Variants in TIMP2 observed in about 807,000 individuals in gnomAD.
TIMP2 encodes the protein TIMP metallopeptidase inhibitor 2.
In TIMP2, 5 loss-of-function variants were observed where a neutral mutation model predicts 24.3. The observed-to-expected ratio is 0.21, with a 90% CI of 0.11 to 0.43. The LOEUF (loss-of-function observed/expected upper bound fraction) is 0.43, where lower values mean the gene tolerates loss of function less well. TIMP2 is among the 20% of genes least tolerant of loss of function. The pLI, the probability that TIMP2 is intolerant of heterozygous loss-of-function variation, is 1.00. For synonymous variants in TIMP2, 130 were observed against 123.2 expected (o/e 1.06, Z -0.37); for missense variants, 221 against 297.5 (o/e 0.74, Z 1.89).
chr17:78,924,921 TG>T lies in TIMP2; in HGVS notation c.130+37del. 9.2e-7 allele frequency: 1 copy of T among 1,089,486 alleles called. No homozygotes were observed. Among genetic ancestry groups the T allele is most frequent in the Non-Finnish European group, 1.1e-6 (1 of 895,084 alleles). The allele number at this position is 1,089,486 out of a possible 1,614,324, so 67.5% of individuals were successfully genotyped here. Reference sequence around the variant, plus strand: ...CGAACCCTCGGGGTCGCGGGGGAGGTGGGGCCCCGCGCGGGGGCTGGGGTCG... The same window carrying T: ...CGAACCCTCGGGGTCGCGGGGGAGGTGGGCCCCGCGCGGGGGCTGGGGTCG... On this transcript the variant is annotated intron_variant, in intron 1 of 4. Coordinates refer to ENST00000262768, the MANE Select transcript of TIMP2 (RefSeq NM_003255.5). This position sits in a 1 kb window ranked among gnomAD's most constrained non-coding sequence, Gnocchi z 5.3.
intron 1 of TIMP2, chr17:78,892,497 G>A (rs776803281): frequency 2.6e-5 from 39 of 1,511,046 alleles, no homozygotes; most frequent in Middle Eastern, 2.2e-4. Flanking sequence ...TTTCCAGATC[G>A]CTCCCAGGAG....
rs147599519 is a variant in TIMP2, at chr17:78,919,889, G to A, written c.130+5070C>T. 3.0e-3 allele frequency among the ~76,000 whole-genome samples: 464 copies of A among 152,186 alleles called. 2 individuals are homozygous for A. Among genetic ancestry groups the A allele is most frequent in the African/African-American group, 0.01 (433 of 41,536 alleles). ...CTAGCCATGCAGCCACTTGCCCTCC[G>A]TCCCTGGTTTGTGAGCCTGTGCGTG... On this transcript the variant is annotated intron_variant, in intron 1 of 4. Coordinates refer to ENST00000262768, the MANE Select transcript of TIMP2 (RefSeq NM_003255.5).
At chr17:78,879,762 G>A (rs556927743) in intron 1 of TIMP2, among the ~76,000 whole-genome samples, 70 of 152,252 alleles carry the variant, frequency 4.6e-4, no homozygotes, top group African/African-American at 1.4e-3. Context: ...TGAATTCACC[G>A]CCAGATGCCG....
chr17:78,881,367 G>A (rs779110660), intron 1 of TIMP2, among the ~76,000 whole-genome samples: 6 of 152,244 alleles, frequency 3.9e-5, no homozygotes, highest in Non-Finnish European at 7.3e-5. Context: ...TGGGAGTCGG[G>A]TGGGGGCTTC....
chr17:78,857,350 T>C (rs2069531874), intron 4 of TIMP2, 172 bp downstream of exon 4: 2 of 863,946 alleles, frequency 2.3e-6, no homozygotes, highest in South Asian at 1.7e-5. Context: ...TCAAAGGCTC[T>C]GTCCCCAGCC....
chr17:78,860,417 G>A (rs1177890212), intron 3 of TIMP2, among the ~76,000 whole-genome samples: 1 of 152,174 alleles, frequency 6.6e-6, no homozygotes, highest in African/African-American at 2.4e-5. Context: ...TCCACTAATA[G>A]AAACACAGCC....
chr17:78,867,860 A>G (rs1294218692), intron 3 of TIMP2, among the ~76,000 whole-genome samples: 1 of 151,868 alleles, frequency 6.6e-6, no homozygotes. Flanking sequence ...CGGCCTCCCA[A>G]AGTGCTAGGA....
intron 1 of TIMP2, among the ~76,000 whole-genome samples, chr17:78,901,503 C>G (rs2145784724): frequency 6.6e-6 from 1 of 152,158 alleles, no homozygotes; most frequent in African/African-American, 2.4e-5. Context: ...GGAGAATGAA[C>G]TCCTTTGGTC....
rs772713002 is a variant in TIMP2, at chr17:78,857,426, TTA to T, written c.465+94_465+95del. 4 of 1,537,980 alleles carry T rather than the reference TTA, an allele frequency of 2.6e-6. No homozygotes were observed. The East Asian group carries it at 9.0e-5, about 35-fold the overall frequency. On this transcript the variant is annotated intron_variant, in intron 4 of 4. Coordinates refer to ENST00000262768, the MANE Select transcript of TIMP2 (RefSeq NM_003255.5). ...CTGGTCTTAGATCAGGAGCCGGGGATTAACGGGTCCTGGAAAGCCAGGGATCA... is the reference window on the plus strand; with the variant it reads ...CTGGTCTTAGATCAGGAGCCGGGGATACGGGTCCTGGAAAGCCAGGGATCA...
At chr17:78,913,899 A>G (rs896751865) in intron 1 of TIMP2, among the ~76,000 whole-genome samples, 24 of 151,050 alleles carry the variant, frequency 1.6e-4, no homozygotes, top group African/African-American at 5.1e-4. Flanking sequence ...CTCGGGGAAA[A>G]AAAAAAAAAA....
At chr17:78,881,923 T>C (rs1599154475) in intron 1 of TIMP2, among the ~76,000 whole-genome samples, 1 of 152,208 alleles carries the variant, frequency 6.6e-6, no homozygotes. Flanking sequence ...TTTGGGTGGA[T>C]GTAATGACAC....
Position 78,891,368 on chromosome 17 carries a change from A to G in TIMP2, c.131-17449T>C, listed in dbSNP as rs1225021596. 3 of 1,550,402 alleles carry G rather than the reference A, an allele frequency of 1.9e-6. No individual in the cohort carries two copies. In the African/African-American group the frequency reaches 4.1e-5, roughly 21 times the overall value. ...AGCGCCACACTCTTGCATCTCTGAG[A>G]AGGCATGCCCTTCCCCAGGTCTCTG... is the stretch of plus-strand genomic sequence containing the variant. On this transcript the variant is annotated intron_variant, in intron 1 of 4. Coordinates refer to ENST00000262768, the MANE Select transcript of TIMP2 (RefSeq NM_003255.5). The surrounding 1 kb of genome is among the most constrained non-coding windows in gnomAD (Gnocchi z 4.5).
chr17:78,887,307 C>T (rs1300099826), intron 1 of TIMP2, among the ~76,000 whole-genome samples: 3 of 152,162 alleles, frequency 2.0e-5, no homozygotes, highest in Admixed American at 1.3e-4. Flanking sequence ...TCCACCAGAA[C>T]GGGAGTCCTG....
intron 1 of TIMP2, chr17:78,897,041 C>T (rs913175365): frequency 9.2e-6 from 9 of 977,286 alleles, no homozygotes; most frequent in Non-Finnish European, 1.1e-5. Context: ...AGGCAGACCT[C>T]ACCCAGGGAC....
Position 78,887,744 on chromosome 17 carries a change from A to AGTT in TIMP2, c.131-13826_131-13825insAAC, listed in dbSNP as rs1468445529. ...GTCAATCTTTTTCTGGGGAAAAAAA[A>AGTT]AAAAATAGGAAAAAAAAAAAAAGAG... On this transcript the variant is annotated intron_variant, in intron 1 of 4. Transcript: ENST00000262768. 2.1e-3 allele frequency among the ~76,000 whole-genome samples: 313 copies of AGTT among 151,510 alleles called. 6 individuals carry two copies. The East Asian group carries it at 0.051, about 25-fold the overall frequency.
chr17:78,869,350 G>A (rs2069649795), intron 3 of TIMP2, among the ~76,000 whole-genome samples: 1 of 151,228 alleles, frequency 6.6e-6, no homozygotes, highest in Non-Finnish European at 1.5e-5. Flanking sequence ...TTGACCCCAG[G>A]AGATCGAGGT....
At chr17:78,867,373 G>A (rs760069770) in intron 3 of TIMP2, among the ~76,000 whole-genome samples, 3 of 152,114 alleles carry the variant, frequency 2.0e-5, no homozygotes, top group Admixed American at 2.0e-4. Context: ...CTTGATGACC[G>A]AGATACCCAG....
intron 1 of TIMP2, among the ~76,000 whole-genome samples, chr17:78,918,066 A>ACACACACGCGCG (rs1491459704): frequency 1.1e-5 from 1 of 92,646 alleles, no homozygotes; most frequent in African/African-American, 6.1e-5. Flanking sequence ...GCACACACAA[A>ACACACACGCGCG]CACACACACA....
chr17:78,864,103 C>T (rs142746816), intron 3 of TIMP2, among the ~76,000 whole-genome samples: 61 of 152,244 alleles, frequency 4.0e-4, no homozygotes, highest in African/African-American at 1.4e-3. Context: ...AAAACAGAGA[C>T]AGGGTCCCGC....
Sources: allele counts gnomAD v4.1 joint callset (sites outside exome capture counted in the v4.1 genomes callset), GRCh38; gene constraint gnomAD v4.1.1; non-coding constraint Gnocchi (gnomAD v3.1); transcripts MANE v1.5; gene names NCBI Gene and HGNC (gene_info 2026-07-23, HGNC 2026-07-21).